Variants in GIPC2 observed in about 807,000 individuals in gnomAD.
GIPC2 encodes the protein GIPC PDZ domain containing family member 2, also known as PDZ domain-containing protein GIPC2.
Under a neutral mutation model 30.6 loss-of-function variants are expected in GIPC2, and 30 were observed. The observed-to-expected ratio is 0.98, with a 90% confidence interval of 0.73 to 1.33. The LOEUF is 1.33. GIPC2 is among the 40% of genes most tolerant of loss of function. GIPC2 has a pLI of 0.00. For missense variants in GIPC2, 414 were observed against 390.3 expected, an observed-to-expected ratio of 1.06 and a Z score of -0.51; for synonymous variants, 167 against 150.0, an observed-to-expected ratio of 1.11 and a Z score of -0.83.
At chr1:78,117,086 G>A (rs1210344233) in intron 3 of GIPC2, among the ~76,000 whole-genome samples, 1 of 152,152 alleles carries the variant, frequency 6.6e-6, no homozygotes, top group Non-Finnish European at 1.5e-5. Context: ...GAAAGTTTTT[G>A]CAATCTACTC....
Position 78,062,379 on chromosome 1 carries a change from T to TC in GIPC2, c.240+16046dup, listed in dbSNP as rs556231851. Among the ~76,000 whole-genome samples, 18 of 152,328 alleles carry TC rather than the reference T, an allele frequency of 1.2e-4. No homozygotes were observed. The South Asian group carries it at 3.7e-3, about 32-fold the overall frequency. ...TCATGATTCCTGTTATTTCCTTCCT[T>TC]CTTCTGTGTTCTCTGTGCTTTCCCC... On this transcript the variant is annotated intron_variant, in intron 1 of 5. Coordinates refer to ENST00000370759, the MANE Select transcript of GIPC2 (RefSeq NM_017655.6).
intron 3 of GIPC2, among the ~76,000 whole-genome samples, chr1:78,104,014 G>GT (rs1571510661): frequency 6.6e-6 from 1 of 152,156 alleles, no homozygotes; most frequent in East Asian, 1.9e-4. Flanking sequence ...GGGGTGGCCT[G>GT]TGAGTGCACA....
chr1:78,118,789 AC>A (rs1467207774), intron 3 of GIPC2, among the ~76,000 whole-genome samples: 1 of 152,062 alleles, frequency 6.6e-6, no homozygotes, highest in African/African-American at 2.4e-5. Flanking sequence ...TATCTGCAAG[AC>A]CTCGTTTTGA....
Position 78,085,864 on chromosome 1 carries a change from A to AAACC in GIPC2, c.426+5008_426+5011dup, listed in dbSNP as rs149423595. ...GTCTATCTAACTAATTTTTTTCATAAAACCAACTCCTGGATCTATTGATCT... is the reference window on the plus strand; with the variant it reads ...GTCTATCTAACTAATTTTTTTCATAAAACCAACCAACTCCTGGATCTATTGATCT... On this transcript the variant is annotated intron_variant, in intron 2 of 5. Transcript: ENST00000370759. Among the ~76,000 whole-genome samples the AAACC allele has an allele frequency of 2.7e-3, 398 of 149,148 alleles. 4 individuals are homozygous for AAACC. The highest frequency in any genetic ancestry group is 9.4e-3 in the African/African-American group (382 of 40,788).
At chr1:78,105,570 G>A (rs1252724190) in intron 3 of GIPC2, among the ~76,000 whole-genome samples, 1 of 152,120 alleles carries the variant, frequency 6.6e-6, no homozygotes, top group Admixed American at 6.5e-5. Context: ...ACAGGCATGA[G>A]CCACCTTGCC....
rs1315028917 is a variant in GIPC2 at position 78,125,867 on chromosome 1, C to G, written c.715-14C>G. ...TTGTTGTATAATATCTTATTTCTCT[C>G]TTTTTTGATAAAGCCTTCTGAAACC... On this transcript the variant is annotated splice_polypyrimidine_tract_variant and intron_variant, in intron 4 of 5. Coordinates refer to ENST00000370759, the MANE Select transcript of GIPC2 (RefSeq NM_017655.6). The G allele has an allele frequency of 1.4e-6, 2 of 1,457,780 alleles. No homozygotes were observed. The highest frequency in any genetic ancestry group is 1.9e-6 in the Non-Finnish European group (2 of 1,038,696). The allele number at this position is 1,457,780 out of a possible 1,614,324, so 90.3% of individuals were successfully genotyped here.
upstream of GIPC2, chr1:78,045,136 A>C: frequency 2.3e-6 from 2 of 883,404 alleles, no homozygotes; most frequent in Non-Finnish European, 2.7e-6. Context: ...TTTGGTAATT[A>C]AGATATGATA....
At chr1:78,107,038 C>T (rs548112069) in intron 3 of GIPC2, among the ~76,000 whole-genome samples, 34 of 150,360 alleles carry the variant, frequency 2.3e-4, no homozygotes, top group African/African-American at 8.3e-4. Context: ...TCCCTCCCTC[C>T]CTCCCTTCCC....
At chr1:78,099,374 T>C (rs937817479) in intron 3 of GIPC2, among the ~76,000 whole-genome samples, 1 of 151,936 alleles carries the variant, frequency 6.6e-6, no homozygotes, top group Non-Finnish European at 1.5e-5. Flanking sequence ...ACTGGATGTG[T>C]AAAGGTGGGA....
rs111786589 is a variant in GIPC2 at position 78,097,376 on chromosome 1, A to G, written c.607+2244A>G. Among the ~76,000 whole-genome samples, 310 of 152,304 alleles carry G rather than the reference A, an allele frequency of 2.0e-3. 4 individuals are homozygous for G. The highest frequency in any genetic ancestry group is 6.7e-3 in the African/African-American group (279 of 41,570). ...AGATAGGCCACCTTGGCTGTAGCTA[A>G]GTCACTTATAGGATTTTAACAAAAG... On this transcript the variant is annotated intron_variant, in intron 3 of 5. Coordinates refer to ENST00000370759, the MANE Select transcript of GIPC2 (RefSeq NM_017655.6).
At chr1:78,100,966 A>G in intron 3 of GIPC2, among the ~76,000 whole-genome samples, 2 of 151,182 alleles carry the variant, frequency 1.3e-5, no homozygotes, top group African/African-American at 4.9e-5. Flanking sequence ...ACACACACAC[A>G]CACACACACA....
chr1:78,067,299 A>G (rs990663864), intron 1 of GIPC2, among the ~76,000 whole-genome samples: 1 of 152,136 alleles, frequency 6.6e-6, no homozygotes, highest in Non-Finnish European at 1.5e-5. Flanking sequence ...AAAATGTACA[A>G]TGAATTACCT....
chr1:78,063,588 A>G (rs1173808676), intron 1 of GIPC2, among the ~76,000 whole-genome samples: 2 of 149,516 alleles, frequency 1.3e-5, no homozygotes, highest in Non-Finnish European at 3.0e-5. Context: ...AAGAGTAAGA[A>G]TAAGATGAGA....
At chr1:78,086,320 G>T (rs141491522) in intron 2 of GIPC2, among the ~76,000 whole-genome samples, 3 of 152,108 alleles carry the variant, frequency 2.0e-5, no homozygotes, top group Non-Finnish European at 4.4e-5. Context: ...CATTTGCTGA[G>T]GAGTGTTTTA....
intron 3 of GIPC2, among the ~76,000 whole-genome samples, chr1:78,109,800 A>G (rs1662427670): frequency 1.3e-5 from 2 of 152,204 alleles, no homozygotes; most frequent in African/African-American, 2.4e-5. Context: ...ATGTCCAACA[A>G]TGATAGACTG....
intron 1 of GIPC2, among the ~76,000 whole-genome samples, chr1:78,055,607 T>C (rs1410343114): frequency 6.6e-6 from 1 of 152,200 alleles, no homozygotes; most frequent in Admixed American, 6.5e-5. Context: ...CCTCCCATTA[T>C]TACCTCACCC....
intron 2 of GIPC2, among the ~76,000 whole-genome samples, chr1:78,087,306 AAG>A (rs1307348534): frequency 6.6e-6 from 1 of 152,214 alleles, no homozygotes; most frequent in East Asian, 1.9e-4. Context: ...CCTAAGCAAA[AAG>A]AACAAAGCTG....
chr1:78,052,808 CTG>C (rs1346664257), intron 1 of GIPC2, among the ~76,000 whole-genome samples: 1 of 152,174 alleles, frequency 6.6e-6, no homozygotes, highest in East Asian at 1.9e-4. Context: ...TTCCCAGAAG[CTG>C]CTTCCTTTTC....
intron 1 of GIPC2, 110 bp from the exon 2 acceptor site, chr1:78,080,565 C>T (rs546815986): frequency 1.0e-4 from 64 of 641,556 alleles, no homozygotes; most frequent in African/African-American, 9.4e-4. Context: ...TGATGTAACT[C>T]TTTACATCAT....
Sources: allele counts gnomAD v4.1 joint callset (sites outside exome capture counted in the v4.1 genomes callset), GRCh38; gene constraint gnomAD v4.1.1; transcripts MANE v1.5; gene names NCBI Gene and HGNC (gene_info 2026-07-23, HGNC 2026-07-21).